The following USH1C variants were observed in gnomAD, a reference collection of about 807,000 sequenced individuals.
USH1C encodes USH1 protein network component harmonin, also known as harmonin.
Under a neutral mutation model 119.3 loss-of-function variants are expected in USH1C, and 90 were observed. The observed-to-expected ratio is 0.75, with a 90% CI of 0.64 to 0.90. USH1C has a LOEUF of 0.90. USH1C is among the 40% of genes least tolerant of loss of function. The pLI, the probability that USH1C is intolerant of heterozygous loss-of-function variation, is 0.00. For missense variants in USH1C, 1,165 were observed against 1,167.7 expected (o/e 1.00, Z 0.03); for synonymous variants, 465 against 443.3 (o/e 1.05, Z -0.62).
At position 17,528,259 on chromosome 11, in the gene USH1C, T is replaced by C. The variant is rs183495427; in HGVS notation, c.388-928A>G. 5.2e-3 allele frequency among the ~76,000 whole-genome samples: 789 copies of C among 152,282 alleles called. 5 individuals carry two copies. The highest frequency in any genetic ancestry group is 7.0e-3 in the Non-Finnish European group (475 of 68,030). The stretch of plus-strand genomic sequence containing the variant: ...TCAGGGCTTAGGCCACAGTGGATTG[T>C]TGAGATGGGCCCTGGGCAGCCAGCC... On this transcript the variant is annotated intron_variant, in intron 4 of 26. Coordinates refer to ENST00000005226, the MANE Select transcript of USH1C (RefSeq NM_153676.4).
intron 13 of USH1C, 58 bp from the exon 14 acceptor site, chr11:17,521,052 T>C (rs1490600029): frequency 6.2e-7 from 1 of 1,609,330 alleles, no homozygotes; most frequent in African/African-American, 1.3e-5. Context: ...GCCCATCTCC[T>C]GCATATCGGA....
chr11:17,498,052 T>C, intron 24 of USH1C, 110 bp downstream of exon 24: 1 of 940,692 alleles, frequency 1.1e-6, no homozygotes, highest in Non-Finnish European at 1.7e-6. Context: ...TTGCCTGGAC[T>C]CCAGATGCCC....
intron 1 of USH1C, chr11:17,533,538 C>A (rs1401841387): frequency 3.1e-6 from 2 of 639,382 alleles, no homozygotes; most frequent in Non-Finnish European, 5.7e-6. Flanking sequence ...AGTACCGCTG[C>A]CCCTCCAGAT....
intron 20 of USH1C, among the ~76,000 whole-genome samples, chr11:17,502,894 G>A (rs1034164795): frequency 6.6e-6 from 1 of 152,150 alleles, no homozygotes; most frequent in Non-Finnish European, 1.5e-5. Flanking sequence ...GGAGAGCCCC[G>A]TGGCAGGCCT....
chr11:17,518,613 T>C (rs1429275375), intron 14 of USH1C, among the ~76,000 whole-genome samples: 1 of 152,132 alleles, frequency 6.6e-6, no homozygotes, highest in Non-Finnish European at 1.5e-5. Context: ...GCAGGAGCAA[T>C]TTTAAGGGCC....
intron 14 of USH1C, 26 bp downstream of exon 14, chr11:17,520,844 C>T (rs774296359): frequency 1.2e-6 from 2 of 1,614,064 alleles, no homozygotes; most frequent in Non-Finnish European, 1.7e-6. Context: ...TTCCCTTAGC[C>T]TCTCCCCTCG....
chr11:17,534,873 CAAAAAAAAAA>C (rs59152937), intron 1 of USH1C, among the ~76,000 whole-genome samples: 1 of 120,744 alleles, frequency 8.3e-6, no homozygotes, highest in Non-Finnish European at 1.7e-5. Flanking sequence ...GACTCCATCT[CAAAAAAAAAA>C]AAAAAAAAAG....
intron 26 of USH1C, 106 bp downstream of exon 26, chr11:17,495,463 T>G (rs552878137): frequency 1.6e-5 from 19 of 1,182,002 alleles, no homozygotes; most frequent in Non-Finnish European, 2.3e-5. Context: ...GCGCCTTGTG[T>G]ACCCTCCAGA....
intron 15 of USH1C, among the ~76,000 whole-genome samples, chr11:17,512,547 T>G (rs1371660983): frequency 6.6e-6 from 1 of 152,224 alleles, no homozygotes; most frequent in African/African-American, 2.4e-5. Context: ...ATGTTCAGAT[T>G]CAGAGATGCA....
chr11:17,510,912 C>T (rs975797676), intron 16 of USH1C, among the ~76,000 whole-genome samples: 3 of 152,122 alleles, frequency 2.0e-5, no homozygotes, highest in African/African-American at 7.2e-5. Context: ...TCTGCCTTGC[C>T]CTCAGAAGCA....
chr11:17,516,380 A>G (rs1850145840), intron 14 of USH1C, 90 bp from the exon 15 acceptor site: 1 of 1,293,366 alleles, frequency 7.7e-7, no homozygotes, highest in Non-Finnish European at 1.1e-6. Context: ...TTCCCAAGGA[A>G]TGCATGACTT....
chr11:17,532,905 A>G (rs1197135754), intron 2 of USH1C, among the ~76,000 whole-genome samples: 4 of 152,182 alleles, frequency 2.6e-5, no homozygotes, highest in African/African-American at 7.2e-5. Flanking sequence ...GTGATCGGAG[A>G]CATCTGATGC....
rs1356054172 is a variant in USH1C at position 17,501,059 on chromosome 11, T to G, written c.2372A>C (p.Glu791Ala). The stretch of plus-strand genomic sequence containing the variant: ...GGCTAGTCTCCACTCACCATGCCGC[T>G]CAGCAGCTCCCCGCTCATACACAGC... The part of the protein sequence containing the change: ...VSAVYERGAA[E>A]RHGGIVKGDE... Residue 791 changes from glutamate to alanine, a missense_variant, in exon 23 of 27, where the codon GAG (glutamate) becomes GCG (alanine). Coordinates refer to ENST00000005226, the MANE Select transcript of USH1C (RefSeq NM_153676.4). The G allele has an allele frequency of 6.2e-7, 1 of 1,613,606 alleles. No homozygotes were observed. Among genetic ancestry groups the G allele is most frequent in the Admixed American group, 1.7e-5 (1 of 60,008 alleles).
intron 4 of USH1C, among the ~76,000 whole-genome samples, chr11:17,527,940 T>G (rs1005696976): frequency 3.0e-4 from 46 of 152,176 alleles, no homozygotes; most frequent in Non-Finnish European, 8.8e-5. Flanking sequence ...ATTCCTATTT[T>G]GGGAGCAAGC....
At chr11:17,539,833 CTTT>C (rs34881002) in intron 1 of USH1C, among the ~76,000 whole-genome samples, 2,468 of 126,162 alleles carry the variant, frequency 0.02, 45 homozygotes, top group African/African-American at 0.07. Flanking sequence ...CTTTCTTTTT[CTTT>C]TTTTTTTTTT....
rs748754278 is a variant in USH1C, at chr11:17,520,732, C to A, written c.1210+138G>T. ...CGATGCTGGGGCAGATGGTCTCTGA[C>A]CCACAGCTGCCCCTCCATGAAGGAA... On this transcript the variant is annotated intron_variant, in intron 14 of 26. Coordinates refer to ENST00000005226, the MANE Select transcript of USH1C (RefSeq NM_153676.4). 4.7e-6 allele frequency: 5 copies of A among 1,060,614 alleles called. No homozygotes were observed. In the Admixed American group the frequency reaches 6.8e-5, roughly 14 times the overall value. 65.7% of individuals were successfully genotyped at this position (1,060,614 alleles called of 1,614,324 possible). A position where few individuals can be genotyped will look rare whatever the true frequency, so the allele number is the denominator to read the frequency against.
At position 17,520,897 on chromosome 11, in the gene USH1C, G is replaced by A. The variant is rs769984840; in HGVS notation, c.1183C>T (p.His395Tyr). The change falls in exon 14 of 27, where the codon CAC becomes TAC. Residue 395 changes from histidine to tyrosine, a missense_variant. Coordinates refer to ENST00000005226, the MANE Select transcript of USH1C (RefSeq NM_153676.4). ...LLPKTITAEVHPVPLRKPKSF... is the reference protein window; with the variant it reads ...LLPKTITAEVYPVPLRKPKSF... ...TTTGGCTTGCGAAGGGGTACTGGGT[G>A]TACCTCAGCAGTGATGGTTTTAGGC... The A allele has an allele frequency of 5.6e-6, 9 of 1,614,166 alleles. No individual in the cohort carries two copies. The Admixed American group carries it at 1.0e-4, about 18-fold the overall frequency.
intron 7 of USH1C, 36 bp downstream of exon 7, chr11:17,526,717 C>G (rs773518447): frequency 2.5e-6 from 4 of 1,608,422 alleles, no homozygotes; most frequent in Non-Finnish European, 1.7e-6. Context: ...GAAGATGACC[C>G]CACCCAAACC....
At chr11:17,499,669 A>C (rs936632632) in intron 23 of USH1C, among the ~76,000 whole-genome samples, 5 of 152,232 alleles carry the variant, frequency 3.3e-5, no homozygotes, top group African/African-American at 1.2e-4. Context: ...CCAGCTGGGC[A>C]GGTCCCCCTT....
Sources: allele counts gnomAD v4.1 joint callset (sites outside exome capture counted in the v4.1 genomes callset), GRCh38; gene constraint gnomAD v4.1.1; transcripts MANE v1.5; gene names NCBI Gene and HGNC (gene_info 2026-07-23, HGNC 2026-07-21).